The following CHRM3 variants were observed in gnomAD, a reference collection of about 807,000 sequenced individuals.
CHRM3 encodes the protein cholinergic receptor muscarinic 3.
CHRM3 carries 11 observed loss-of-function variants against 41.8 expected under a neutral mutation model. The ratio of observed to expected loss-of-function variants is 0.26; its 90% CI spans 0.17 to 0.44. CHRM3 has a LOEUF of 0.44. Among genes scored for constraint, CHRM3 ranks in the 20% least tolerant of loss-of-function variants. CHRM3 has a pLI of 1.00. For synonymous variants in CHRM3, 297 were observed against 301.4 expected, an observed-to-expected ratio of 0.99 and a Z score of 0.15; for missense variants, 571 against 745.4, an observed-to-expected ratio of 0.77 and a Z score of 2.72.
intron 5 of CHRM3, among the ~76,000 whole-genome samples, chr1:239,693,019 G>C (rs1247914001): frequency 6.6e-6 from 1 of 152,114 alleles, no homozygotes; most frequent in African/African-American, 2.4e-5. Flanking sequence ...AGTGCATTTA[G>C]GAGTAAGAAA....
chr1:239,647,445 T>C (rs1033702007), intron 4 of CHRM3, among the ~76,000 whole-genome samples: 1 of 152,190 alleles, frequency 6.6e-6, no homozygotes, highest in African/African-American at 2.4e-5. Flanking sequence ...TCAGCCTCTT[T>C]CTCTTTTTTC....
At chr1:239,402,963 G>T (rs549616450) in intron 1 of CHRM3, among the ~76,000 whole-genome samples, 1 of 151,934 alleles carries the variant, frequency 6.6e-6, no homozygotes, top group African/African-American at 2.4e-5. Context: ...TTTTTTTCTG[G>T]AATATTTTTG....
At chr1:239,819,597 G>T (rs1200977205) in intron 5 of CHRM3, among the ~76,000 whole-genome samples, 1 of 152,178 alleles carries the variant, frequency 6.6e-6, no homozygotes, top group Non-Finnish European at 1.5e-5. Flanking sequence ...AAGATTAATG[G>T]AAAGATCAGG....
chr1:239,551,695 A>G (rs926240249), intron 3 of CHRM3, among the ~76,000 whole-genome samples: 1 of 152,200 alleles, frequency 6.6e-6, no homozygotes, highest in African/African-American at 2.4e-5. Flanking sequence ...CAGTGTTTTA[A>G]CACATGACGC....
chr1:239,430,300 A>G (rs1407416787), intron 1 of CHRM3, among the ~76,000 whole-genome samples: 1 of 152,094 alleles, frequency 6.6e-6, no homozygotes, highest in African/African-American at 2.4e-5. Flanking sequence ...TGCACTGTAT[A>G]AAAATAGGTG....
chr1:239,667,339 T>G (rs1227101557), intron 4 of CHRM3, among the ~76,000 whole-genome samples: 1 of 152,170 alleles, frequency 6.6e-6, no homozygotes, highest in Non-Finnish European at 1.5e-5. Context: ...CTCTGTCCAG[T>G]CAGGTGAGAC....
At chr1:239,502,432 T>C (rs1408441744) in intron 2 of CHRM3, among the ~76,000 whole-genome samples, 1 of 152,004 alleles carries the variant, frequency 6.6e-6, no homozygotes, top group Non-Finnish European at 1.5e-5. Context: ...GAGATTGAAA[T>C]GGTAATTTAA....
Position 239,396,001 on chromosome 1 carries a change from C to A in CHRM3, c.-521+8774C>A, listed in dbSNP as rs548927187. Among the ~76,000 whole-genome samples, 15 of 152,340 alleles carry A rather than the reference C, an allele frequency of 9.8e-5. No individual in the cohort carries two copies. The South Asian group carries it at 3.1e-3, about 32-fold the overall frequency. The stretch of plus-strand genomic sequence containing the variant: ...AGTCTCAAGTCTCAAGGTCACCCTT[C>A]ACTTTACCCTGGTACTTGCTGTTGC... On this transcript the variant is annotated intron_variant, in intron 1 of 6. Coordinates refer to ENST00000676153, the MANE Select transcript of CHRM3 (RefSeq NM_001375978.1).
chr1:239,856,014 T>G (rs1213679135), intron 6 of CHRM3, among the ~76,000 whole-genome samples: 2 of 152,174 alleles, frequency 1.3e-5, no homozygotes, highest in Non-Finnish European at 2.9e-5. Flanking sequence ...TTGTAAGCTA[T>G]TTAAAATTCT....
chr1:239,903,174 G>C (rs923021686), intron 6 of CHRM3, among the ~76,000 whole-genome samples: 2 of 151,946 alleles, frequency 1.3e-5, no homozygotes, highest in Non-Finnish European at 1.5e-5. Context: ...CTATTCATTT[G>C]GGGGGGCTCT....
At chr1:239,805,441 GA>G (rs759998947) in intron 5 of CHRM3, among the ~76,000 whole-genome samples, 2 of 152,204 alleles carry the variant, frequency 1.3e-5, no homozygotes, top group Non-Finnish European at 2.9e-5. Flanking sequence ...TTTATCTGAA[GA>G]AGCTTATAAC....
intron 1 of CHRM3, among the ~76,000 whole-genome samples, chr1:239,453,549 C>T (rs1038801917): frequency 1.3e-5 from 2 of 152,130 alleles, no homozygotes; most frequent in Non-Finnish European, 2.9e-5. Context: ...AAACAAGATG[C>T]TGCCTCTTTG....
chr1:239,483,676 A>G (rs1244009213), intron 1 of CHRM3, among the ~76,000 whole-genome samples: 1 of 152,208 alleles, frequency 6.6e-6, no homozygotes, highest in African/African-American at 2.4e-5. Context: ...TTAATTGGAT[A>G]CTGTCTGAAA....
At chr1:239,726,915 C>T (rs1376664817) in intron 5 of CHRM3, among the ~76,000 whole-genome samples, 2 of 151,844 alleles carry the variant, frequency 1.3e-5, no homozygotes, top group African/African-American at 4.8e-5. Flanking sequence ...AACTTAAAAT[C>T]GTAAATGTTC....
intron 4 of CHRM3, among the ~76,000 whole-genome samples, chr1:239,645,342 A>G (rs953513762): frequency 2.0e-5 from 3 of 152,228 alleles, no homozygotes; most frequent in Non-Finnish European, 4.4e-5. Flanking sequence ...TAGGTTCGAA[A>G]TGGCACATTC....
chr1:239,623,592 C>A (rs1668683884), intron 3 of CHRM3, among the ~76,000 whole-genome samples: 1 of 85,686 alleles, frequency 1.2e-5, no homozygotes, highest in Non-Finnish European at 2.3e-5. Context: ...TGGTGCGCTG[C>A]ACCCACTAAC....
chr1:239,822,019 T>A (rs61231285), intron 5 of CHRM3, among the ~76,000 whole-genome samples: 37,202 of 152,088 alleles, frequency 0.24, 4,659 homozygotes, highest in East Asian at 0.33. Context: ...TGATTGTAAG[T>A]TTCCTGAGGC....
intron 5 of CHRM3, among the ~76,000 whole-genome samples, chr1:239,754,089 G>A (rs1258428922): frequency 1.3e-5 from 2 of 152,180 alleles, no homozygotes; most frequent in African/African-American, 4.8e-5. Flanking sequence ...CAAGGATCCT[G>A]CCCTAAGGGA....
At chr1:239,846,481 A>G (rs1456283452) in intron 6 of CHRM3, among the ~76,000 whole-genome samples, 2 of 152,210 alleles carry the variant, frequency 1.3e-5, no homozygotes, top group Admixed American at 6.5e-5. Flanking sequence ...TGGATAAGCC[A>G]ATAAAAAATA....
Sources: allele counts gnomAD v4.1 joint callset (sites outside exome capture counted in the v4.1 genomes callset), GRCh38; gene constraint gnomAD v4.1.1; transcripts MANE v1.5; gene names NCBI Gene and HGNC (gene_info 2026-07-23, HGNC 2026-07-21).